The following GFRA1 variants were observed in gnomAD, a reference collection of about 807,000 sequenced individuals.
GFRA1 encodes GDNF family receptor alpha 1.
GFRA1 carries 16 observed loss-of-function variants against 51.6 expected under a neutral mutation model. The ratio of observed to expected loss-of-function variants is 0.31; its 90% CI spans 0.21 to 0.47. The LOEUF (loss-of-function observed/expected upper bound fraction) is 0.47. Among genes scored for constraint, GFRA1 ranks in the 20% least tolerant of loss-of-function variants. GFRA1 has a pLI of 1.00. For missense variants in GFRA1, 530 were observed against 594.3 expected (o/e 0.89, Z 1.13); for synonymous variants, 270 against 241.3 (o/e 1.12, Z -1.10).
At chr10:116,146,337 T>C (rs1327886530) in intron 5 of GFRA1, among the ~76,000 whole-genome samples, 1 of 152,240 alleles carries the variant, frequency 6.6e-6, no homozygotes, top group African/African-American at 2.4e-5. Context: ...CATCATCGAG[T>C]ACATTCCTGA....
In GFRA1 at chr10:116,061,739, A is replaced by G. The variant is rs1280394121; in HGVS notation, c.*2659T>C. 1.1e-5 allele frequency: 4 copies of G among 351,978 alleles called. No homozygotes were observed. The highest frequency in any genetic ancestry group is 2.0e-5 in the Non-Finnish European group (4 of 197,278). The allele number at this position is 351,978 out of a possible 1,614,324, so 21.8% of individuals were successfully genotyped here. ...CAAATGCCCGGACTGAAGGACAGGA[A>G]GTAGCGAATCATTTTTGCTTTTAAG... On this transcript the variant is annotated 3_prime_UTR_variant, in exon 11 of 11. Coordinates refer to ENST00000355422, the MANE Select transcript of GFRA1 (RefSeq NM_005264.8).
chr10:116,100,144 G>C (rs1375413942), intron 6 of GFRA1, among the ~76,000 whole-genome samples: 1 of 152,212 alleles, frequency 6.6e-6, no homozygotes, highest in African/African-American at 2.4e-5. Context: ...TACAGGTAGA[G>C]CAGGGTATTC....
At chr10:116,146,303 A>G (rs1371849001) in intron 5 of GFRA1, among the ~76,000 whole-genome samples, 1 of 152,198 alleles carries the variant, frequency 6.6e-6, no homozygotes, top group Non-Finnish European at 1.5e-5. Flanking sequence ...AAAAAATATG[A>G]TGTGTTTATA....
At chr10:116,065,384 C>T (rs1000838173) in intron 10 of GFRA1, among the ~76,000 whole-genome samples, 189 bp downstream of exon 10, 2 of 152,210 alleles carry the variant, frequency 1.3e-5, no homozygotes, top group South Asian at 4.1e-4. Flanking sequence ...ATGCTTACTT[C>T]CAACTTTGTG....
chr10:116,231,345 G>T (rs1966665318), intron 4 of GFRA1, among the ~76,000 whole-genome samples: 1 of 152,116 alleles, frequency 6.6e-6, no homozygotes, highest in Admixed American at 6.5e-5. Context: ...GTTTCTTCAT[G>T]TCTTACATGA....
chr10:116,099,659 T>G (rs1292419046), intron 6 of GFRA1, among the ~76,000 whole-genome samples: 1 of 152,188 alleles, frequency 6.6e-6, no homozygotes, highest in Non-Finnish European at 1.5e-5. Context: ...ACACAACAGC[T>G]GGATTCCTGT....
chr10:116,086,085 T>C (rs958373829), intron 9 of GFRA1, among the ~76,000 whole-genome samples: 2 of 152,308 alleles, frequency 1.3e-5, no homozygotes, highest in African/African-American at 4.8e-5. Context: ...ATTCTGGATA[T>C]GTCACAAGGC....
intron 5 of GFRA1, among the ~76,000 whole-genome samples, chr10:116,197,418 T>C (rs1295219650): frequency 6.6e-6 from 1 of 152,188 alleles, no homozygotes; most frequent in East Asian, 1.9e-4. Flanking sequence ...AAAGCTCAGT[T>C]GTTTATAAGC....
At chr10:116,150,510 C>A (rs138373148) in intron 5 of GFRA1, among the ~76,000 whole-genome samples, 1 of 152,104 alleles carries the variant, frequency 6.6e-6, no homozygotes, top group African/African-American at 2.4e-5. Context: ...TTTCTAAGAA[C>A]GGTTTCCCAT....
intron 9 of GFRA1, among the ~76,000 whole-genome samples, chr10:116,071,109 C>T (rs971015089): frequency 1.3e-5 from 2 of 152,202 alleles, no homozygotes; most frequent in Non-Finnish European, 2.9e-5. Context: ...TGCCAAGCCC[C>T]ACGGACCCTG....
At chr10:116,202,735 G>C (rs1964438607) in intron 5 of GFRA1, among the ~76,000 whole-genome samples, 1 of 152,100 alleles carries the variant, frequency 6.6e-6, no homozygotes, top group Non-Finnish European at 1.5e-5. Flanking sequence ...ACTATCATGA[G>C]AACAGCAATG....
intron 5 of GFRA1, among the ~76,000 whole-genome samples, chr10:116,168,361 G>A (rs748009883): frequency 6.6e-6 from 1 of 152,122 alleles, no homozygotes. Flanking sequence ...GTTCAAAAGA[G>A]GATTGAGCAA....
intron 3 of GFRA1, 129 bp downstream of exon 3, chr10:116,270,693 C>A: frequency 1.3e-6 from 1 of 743,362 alleles, no homozygotes; most frequent in Non-Finnish European, 2.2e-6. Flanking sequence ...TCCCTGGGGG[C>A]CAAGGAAAGG....
At chr10:116,088,812 G>A (rs901656279) in intron 9 of GFRA1, among the ~76,000 whole-genome samples, 1 of 150,672 alleles carries the variant, frequency 6.6e-6, no homozygotes, top group African/African-American at 2.4e-5. Flanking sequence ...TCCCAGCTAC[G>A]CGGGAGGCTA....
intron 5 of GFRA1, among the ~76,000 whole-genome samples, chr10:116,134,278 G>A (rs1958227496): frequency 6.6e-6 from 1 of 152,082 alleles, no homozygotes; most frequent in African/African-American, 2.4e-5. Flanking sequence ...TTTTCTTTCT[G>A]ACTTGATTAA....
chr10:116,214,408 C>T (rs1422370678), intron 4 of GFRA1, among the ~76,000 whole-genome samples: 1 of 152,158 alleles, frequency 6.6e-6, no homozygotes, highest in Non-Finnish European at 1.5e-5. Flanking sequence ...CTCCTACCTA[C>T]GAGGGAGGGA....
intron 4 of GFRA1, among the ~76,000 whole-genome samples, chr10:116,218,375 A>G (rs907663042): frequency 2.0e-5 from 3 of 152,194 alleles, no homozygotes; most frequent in African/African-American, 4.8e-5. Flanking sequence ...AGCACTGCAA[A>G]GAGAGCTGTT....
chr10:116,152,340 C>T (rs1589828174), intron 5 of GFRA1, among the ~76,000 whole-genome samples: 1 of 152,138 alleles, frequency 6.6e-6, no homozygotes, highest in African/African-American at 2.4e-5. Flanking sequence ...AAACGTTCAC[C>T]AGAAAGCACA....
intron 4 of GFRA1, among the ~76,000 whole-genome samples, chr10:116,244,570 C>T (rs1172177155): frequency 6.7e-6 from 1 of 149,778 alleles, no homozygotes; most frequent in Non-Finnish European, 1.5e-5. Context: ...AATATACAGG[C>T]GTTAAAATTT....
Sources: gnomAD v4.1 joint callset for allele counts (sites outside exome capture counted in the v4.1 genomes callset) on GRCh38, gnomAD v4.1.1 for gene constraint, MANE v1.5 for transcripts, NCBI Gene and HGNC (gene_info 2026-07-23, HGNC 2026-07-21) for gene names.